The following SGK1 variants were observed in gnomAD, a reference collection of about 807,000 sequenced individuals.
SGK1 encodes serine/threonine-protein kinase Sgk1.
SGK1 carries 26 observed loss-of-function variants against 64.2 expected under a neutral mutation model. The ratio of observed to expected loss-of-function variants is 0.40; its 90% CI spans 0.30 to 0.56. The LOEUF (loss-of-function observed/expected upper bound fraction) is 0.56. SGK1 is among the 20% of genes least tolerant of loss of function. SGK1 has a pLI of 0.38. For synonymous variants in SGK1, 265 were observed against 239.7 expected (o/e 1.11, Z -0.98); for missense variants, 519 against 645.6 (o/e 0.80, Z 2.12).
chr6:134,216,647 A>G (rs901742655), intron 2 of SGK1, among the ~76,000 whole-genome samples: 8 of 152,206 alleles, frequency 5.3e-5, no homozygotes, highest in Admixed American at 2.0e-4. Flanking sequence ...GGAGCAGAAC[A>G]TAGACATCAA....
At position 134,187,917 on chromosome 6, in the gene SGK1, G is replaced by A. The variant is rs193007339; in HGVS notation, c.362-13331C>T. ...GACCAGGTGGCTGGCAGATCACCCC[G>A]AGGAAAGGTGCCATATCAGAGGCTC... is the stretch of plus-strand genomic sequence containing the variant. On this transcript the variant is annotated intron_variant, in intron 3 of 13. Transcript: ENST00000367858. Among the ~76,000 whole-genome samples, 18 of 152,296 alleles carry A rather than the reference G, an allele frequency of 1.2e-4. No individual in the cohort carries two copies. The East Asian group carries it at 1.7e-3, about 15-fold the overall frequency.
intron 3 of SGK1, among the ~76,000 whole-genome samples, chr6:134,192,685 T>C (rs1196233721): frequency 7.0e-6 from 1 of 142,230 alleles, no homozygotes; most frequent in Non-Finnish European, 1.5e-5. Flanking sequence ...TTCCCCCACC[T>C]CAGCCTCCCG....
chr6:134,248,445 C>CTTTTT (rs34315643), intron 2 of SGK1, among the ~76,000 whole-genome samples: 1 of 103,044 alleles, frequency 9.7e-6, no homozygotes, highest in Admixed American at 1.1e-4. Flanking sequence ...TCTCCTCCGC[C>CTTTTT]TTTTTTTTTT....
chr6:134,230,161 T>C (rs1776254488), intron 2 of SGK1, among the ~76,000 whole-genome samples: 1 of 152,110 alleles, frequency 6.6e-6, no homozygotes, highest in African/African-American at 2.4e-5. Flanking sequence ...CTTGATGCTA[T>C]GAAAAATCAG....
chr6:134,281,465 G>A (rs1777093646), intron 1 of SGK1, among the ~76,000 whole-genome samples: 1 of 151,370 alleles, frequency 6.6e-6, no homozygotes, highest in African/African-American at 2.4e-5. Context: ...GTTACTTAAT[G>A]TTGTAATTAT....
chr6:134,270,112 G>T (rs555583601), intron 1 of SGK1, among the ~76,000 whole-genome samples: 1 of 147,802 alleles, frequency 6.8e-6, no homozygotes, highest in Admixed American at 6.9e-5. Flanking sequence ...GTAGAGACAG[G>T]GTTTCTCCAT....
chr6:134,182,593 C>T (rs2114655283), intron 3 of SGK1, among the ~76,000 whole-genome samples: 1 of 152,264 alleles, frequency 6.6e-6, no homozygotes, highest in Admixed American at 6.5e-5. Context: ...CAGCCCCACC[C>T]TACGCACATC....
At chr6:134,254,301 A>G (rs985610916) in intron 2 of SGK1, among the ~76,000 whole-genome samples, 1 of 152,158 alleles carries the variant, frequency 6.6e-6, no homozygotes, top group Non-Finnish European at 1.5e-5. Flanking sequence ...ACGCACACAC[A>G]TATCACACAG....
At chr6:134,196,390 T>C (rs912568673) in intron 3 of SGK1, among the ~76,000 whole-genome samples, 3 of 150,970 alleles carry the variant, frequency 2.0e-5, no homozygotes, top group Non-Finnish European at 4.4e-5. Context: ...AGCCCAGGAG[T>C]TCAAGTCCAG....
intron 4 of SGK1, 59 bp downstream of exon 4, chr6:134,174,452 G>T: frequency 7.7e-7 from 1 of 1,295,952 alleles, no homozygotes; most frequent in Non-Finnish European, 1.1e-6. Context: ...TGATGAGAAT[G>T]TTTACCGCTG....
chr6:134,213,615 A>AAATAAATAAAT, intron 2 of SGK1, among the ~76,000 whole-genome samples: 1 of 123,006 alleles, frequency 8.1e-6, no homozygotes, highest in Non-Finnish European at 1.6e-5. Flanking sequence ...ACTCTGTCTC[A>AAATAAATAAAT]AAATAAATAA....
At chr6:134,208,690 T>C (rs542653328) in intron 2 of SGK1, among the ~76,000 whole-genome samples, 1 of 152,118 alleles carries the variant, frequency 6.6e-6, no homozygotes, top group East Asian at 1.9e-4. Context: ...TCCATCCAGG[T>C]TGCTGCAAAT....
intron 2 of SGK1, among the ~76,000 whole-genome samples, chr6:134,235,887 G>A (rs1271647270): frequency 6.6e-6 from 1 of 151,848 alleles, no homozygotes; most frequent in African/African-American, 2.4e-5. Flanking sequence ...AGATATTTTA[G>A]ATAAGGAACA....
intron 2 of SGK1, chr6:134,261,659 G>C (rs1299552757): frequency 1.5e-5 from 9 of 583,102 alleles, no homozygotes; most frequent in Non-Finnish European, 2.1e-5. Context: ...TGATGGCAAA[G>C]TAGGTTATAC....
rs1197188220 is a variant in SGK1, at chr6:134,169,590, T to C, written c.*678A>G. 1.3e-5 allele frequency: 2 copies of C among 152,628 alleles called. No homozygotes were observed. Among genetic ancestry groups the C allele is most frequent in the Non-Finnish European group, 2.9e-5 (2 of 68,030 alleles). 9.5% of individuals were successfully genotyped at this position (152,628 alleles called of 1,614,324 possible). A position where few individuals can be genotyped will look rare whatever the true frequency, so the allele number is the denominator to read the frequency against. Reference sequence around the variant, plus strand: ...GGTCCATAAAAACCCTTTCTAAAAATAGAAATATTTGTAGCAGCAATGCTT... The same window carrying C: ...GGTCCATAAAAACCCTTTCTAAAAACAGAAATATTTGTAGCAGCAATGCTT... On this transcript the variant is annotated 3_prime_UTR_variant, in exon 14 of 14. Coordinates refer to ENST00000367858, the MANE Select transcript of SGK1 (RefSeq NM_001143676.3).
chr6:134,258,328 C>T (rs1776714063), intron 2 of SGK1, among the ~76,000 whole-genome samples: 1 of 152,012 alleles, frequency 6.6e-6, no homozygotes, highest in Admixed American at 6.6e-5. Flanking sequence ...CTCAAGCCAT[C>T]CACCCCCCTT....
At chr6:134,171,347 CGTGTGTGTGTTTGT>C in intron 11 of SGK1, 169 bp from the exon 12 acceptor site, 1 of 682,252 alleles carries the variant, frequency 1.5e-6, no homozygotes, top group South Asian at 1.9e-5. Flanking sequence ...CTTTGCAACC[CGTGTGTGTGTTTGT>C]GTGTGTGTGT....
chr6:134,256,867 T>C (rs1304505041), intron 2 of SGK1, among the ~76,000 whole-genome samples: 2 of 152,220 alleles, frequency 1.3e-5, no homozygotes, highest in Non-Finnish European at 1.5e-5. Flanking sequence ...GTTTCTTCCA[T>C]GGGTAAAACA....
chr6:134,172,383 G>T (rs1775058340), intron 9 of SGK1, 67 bp from the exon 10 acceptor site: 4 of 1,496,190 alleles, frequency 2.7e-6, no homozygotes, highest in Non-Finnish European at 2.8e-6. Flanking sequence ...TCCTCTTAAA[G>T]ATAATTGCTA....
Sources: allele counts gnomAD v4.1 joint callset (sites outside exome capture counted in the v4.1 genomes callset), GRCh38; gene constraint gnomAD v4.1.1; transcripts MANE v1.5; gene names NCBI Gene and HGNC (gene_info 2026-07-23, HGNC 2026-07-21).